ANKRD36: variants seen among roughly 807,000 people sequenced by gnomAD.
ANKRD36 encodes ankyrin repeat domain 36.
Under a neutral mutation model 278.1 loss-of-function variants are expected in ANKRD36, and 179 were observed. That is an observed-to-expected ratio of 0.64 (90% CI 0.57 to 0.73). ANKRD36 has a LOEUF of 0.73. Ranked by LOEUF, ANKRD36 falls within the 30% of genes least tolerant of loss-of-function variation. ANKRD36 has a pLI of 0.00. For missense variants in ANKRD36, 1,159 were observed against 1,956.7 expected, an observed-to-expected ratio of 0.59 and a Z score of 7.69; for synonymous variants, 320 against 641.1, an observed-to-expected ratio of 0.50 and a Z score of 7.57.
chr2:97,139,271 A>G (rs1299937318), intron 6 of ANKRD36, among the ~76,000 whole-genome samples: 1 of 151,944 alleles, frequency 6.6e-6, no homozygotes, highest in Non-Finnish European at 1.5e-5. Flanking sequence ...TATTGATGAC[A>G]TGTAACCAAG....
intron 38 of ANKRD36, 129 bp from the exon 39 acceptor site, chr2:97,194,597 A>G (rs2059263902): frequency 6.6e-7 from 1 of 1,526,708 alleles, no homozygotes. Flanking sequence ...CCCAGACAGA[A>G]AGTAGAAGCC....
At chr2:97,206,171 C>A (rs747070937) in intron 52 of ANKRD36, 36 bp downstream of exon 52, 4 of 1,499,280 alleles carry the variant, frequency 2.7e-6, no homozygotes, top group South Asian at 1.3e-5. Flanking sequence ...CATGTTCAGT[C>A]GAGATAGATA....
intron 67 of ANKRD36, among the ~76,000 whole-genome samples, chr2:97,232,817 A>G (rs2072614686): frequency 6.6e-6 from 1 of 151,932 alleles, no homozygotes; most frequent in Admixed American, 6.6e-5. Flanking sequence ...TGATACTGAA[A>G]GTACAAAAGC....
chr2:97,150,131 C>A (rs373436036), intron 12 of ANKRD36, among the ~76,000 whole-genome samples: 1 of 146,112 alleles, frequency 6.8e-6, no homozygotes, highest in Non-Finnish European at 1.5e-5. Context: ...GTTTTCCAAG[C>A]CTTTTTTATT....
intron 17 of ANKRD36, among the ~76,000 whole-genome samples, chr2:97,159,895 C>T (rs1449946330): frequency 3.4e-4 from 51 of 151,024 alleles, no homozygotes; most frequent in African/African-American, 1.1e-3. Flanking sequence ...CATTCTCCTG[C>T]CTCAGCCTCG....
At chr2:97,141,578 T>C (rs2153449101) in intron 6 of ANKRD36, among the ~76,000 whole-genome samples, 1 of 136,672 alleles carries the variant, frequency 7.3e-6, no homozygotes, top group East Asian at 2.0e-4. Context: ...GAAAGAGTAC[T>C]AGAATTCAGA....
intron 6 of ANKRD36, among the ~76,000 whole-genome samples, chr2:97,131,024 T>C (rs1336680532): frequency 2.0e-5 from 3 of 152,074 alleles, no homozygotes; most frequent in African/African-American, 4.8e-5. Context: ...AATTTTCAAA[T>C]TAAGTTAAGA....
intron 36 of ANKRD36, 57 bp downstream of exon 36, chr2:97,191,238 C>G (rs1047664208): frequency 1.4e-5 from 21 of 1,488,968 alleles, no homozygotes; most frequent in African/African-American, 1.3e-4. Flanking sequence ...AAGAATTTCT[C>G]TTTCCTGAAT....
At chr2:97,185,633 C>T in intron 30 of ANKRD36, 123 bp downstream of exon 30, 1 of 1,263,038 alleles carries the variant, frequency 7.9e-7, no homozygotes, top group Non-Finnish European at 1.1e-6. Flanking sequence ...GCCCGAGATT[C>T]TTCATTTGTA....
At chr2:97,188,215 T>C (rs1014249033) in intron 32 of ANKRD36, among the ~76,000 whole-genome samples, 4 of 151,936 alleles carry the variant, frequency 2.6e-5, no homozygotes, top group East Asian at 2.0e-4. Flanking sequence ...CTTTAGAGAC[T>C]AACATGATAC....
intron 52 of ANKRD36, among the ~76,000 whole-genome samples, 182 bp from the exon 53 acceptor site, chr2:97,207,629 C>G (rs528578665): frequency 4.6e-5 from 7 of 151,466 alleles, no homozygotes; most frequent in Admixed American, 1.3e-4. Flanking sequence ...TTTCATGGAG[C>G]CTGTATTCCA....
rs1454613607 is a variant in ANKRD36, at chr2:97,178,293, G to A, written c.1634-1445G>A. Among the ~76,000 whole-genome samples the A allele has an allele frequency of 5.9e-5, 9 of 151,868 alleles. No homozygotes were observed. The East Asian group carries it at 9.7e-4, about 16-fold the overall frequency. On this transcript the variant is annotated intron_variant, in intron 22 of 75. Coordinates refer to ENST00000420699, the MANE Select transcript of ANKRD36 (RefSeq NM_001354587.1). ...GGAGATTCCTCAGTGATCTAGAAGT[G>A]GAAATACCATTTGACCCAGCCATCC...
chr2:97,118,184 T>G lies in ANKRD36; in HGVS notation c.312+6T>G, dbSNP rs765817621. Reference sequence around the variant, plus strand: ...ACAGGACACCTCTGATCAAGGTATATAGTAGCTGACTCTTTGAGCATGAGA... The same window carrying G: ...ACAGGACACCTCTGATCAAGGTATAGAGTAGCTGACTCTTTGAGCATGAGA... On this transcript the variant is annotated splice_donor_region_variant and intron_variant, in intron 2 of 75. Transcript: ENST00000420699. 1 of 1,583,726 alleles carries G rather than the reference T, an allele frequency of 6.3e-7. No individual in the cohort carries two copies.
chr2:97,229,034 G>T (rs560539937), intron 67 of ANKRD36, among the ~76,000 whole-genome samples: 114 of 152,106 alleles, frequency 7.5e-4, no homozygotes, highest in Middle Eastern at 3.4e-3. Flanking sequence ...TTTTACATTT[G>T]CTGAGGAGAG....
intron 12 of ANKRD36, among the ~76,000 whole-genome samples, chr2:97,150,791 C>CA (rs2045717980): frequency 6.6e-6 from 1 of 152,154 alleles, no homozygotes; most frequent in Non-Finnish European, 1.5e-5. Context: ...TATTAAATAC[C>CA]TTTTTTTTGG....
chr2:97,169,750 A>C (rs2051841995), intron 22 of ANKRD36, among the ~76,000 whole-genome samples: 1 of 152,272 alleles, frequency 6.6e-6, no homozygotes, highest in African/African-American at 2.4e-5. Context: ...CTTCAGGGAG[A>C]ACTACAAACC....
intron 1 of ANKRD36, among the ~76,000 whole-genome samples, chr2:97,116,268 ATGTC>A (rs1290557316): frequency 2.6e-5 from 4 of 151,924 alleles, no homozygotes; most frequent in Non-Finnish European, 5.9e-5. Flanking sequence ...TTTATTATTT[ATGTC>A]TTTGTTTGTT....
intron 38 of ANKRD36, among the ~76,000 whole-genome samples, chr2:97,194,046 T>C (rs1479791210): frequency 1.3e-5 from 2 of 151,694 alleles, no homozygotes; most frequent in African/African-American, 2.4e-5. Flanking sequence ...TTATTGAGGC[T>C]AATATATTAT....
At chr2:97,240,917 T>A (rs2074205879) in intron 68 of ANKRD36, among the ~76,000 whole-genome samples, 2 of 133,040 alleles carry the variant, frequency 1.5e-5, no homozygotes, top group Non-Finnish European at 3.1e-5. Context: ...GTAGCATCTC[T>A]TCCTCAGGGA....
Sources: gnomAD v4.1 joint callset for allele counts (sites outside exome capture counted in the v4.1 genomes callset) on GRCh38, gnomAD v4.1.1 for gene constraint, MANE v1.5 for transcripts, NCBI Gene and HGNC (gene_info 2026-07-23, HGNC 2026-07-21) for gene names.